DLGAP1: variants seen among roughly 807,000 people sequenced by gnomAD.
DLGAP1 encodes DLG associated protein 1.
A neutral mutation model predicts 90.8 loss-of-function variants in DLGAP1; 11 were observed. That is an observed-to-expected ratio of 0.12 (90% CI 0.08 to 0.20). DLGAP1 has a LOEUF of 0.20. Among genes scored for constraint, DLGAP1 ranks in the 10% least tolerant of loss-of-function variants. The pLI is 1.00. For missense variants in DLGAP1, 1,050 were observed against 1,333.8 expected, an observed-to-expected ratio of 0.79 and a Z score of 3.31; for synonymous variants, 558 against 540.7, an observed-to-expected ratio of 1.03 and a Z score of -0.44.
At chr18:3,570,664 C>T (rs1034010934) in intron 8 of DLGAP1, among the ~76,000 whole-genome samples, 2 of 151,806 alleles carry the variant, frequency 1.3e-5, no homozygotes, top group African/African-American at 4.8e-5. Context: ...TGAGGTGGCT[C>T]ATGCCTGTAG....
intron 10 of DLGAP1, among the ~76,000 whole-genome samples, chr18:3,510,621 G>C (rs2050487050): frequency 6.6e-6 from 1 of 152,160 alleles, no homozygotes; most frequent in Non-Finnish European, 1.5e-5. Context: ...CTTGCTGAAG[G>C]GTAGGACTGT....
chr18:4,351,867 T>A (rs988510840), intron 1 of DLGAP1, among the ~76,000 whole-genome samples: 1 of 152,230 alleles, frequency 6.6e-6, no homozygotes, highest in African/African-American at 2.4e-5. Context: ...AAGAAGATTG[T>A]TTAGGTATAT....
At chr18:3,661,555 G>T (rs1400791892) in intron 7 of DLGAP1, among the ~76,000 whole-genome samples, 1 of 148,080 alleles carries the variant, frequency 6.8e-6, no homozygotes, top group Admixed American at 6.7e-5. Flanking sequence ...TAGGCAGAGG[G>T]AAGAAGCTGT....
intron 7 of DLGAP1, chr18:3,598,494 G>A (rs1460207391): frequency 1.5e-5 from 2 of 134,030 alleles, no homozygotes; most frequent in African/African-American, 5.7e-5. Context: ...TTGAGCCAGA[G>A]TCTGGCTCTG....
chr18:3,991,169 T>C (rs1441834278), intron 3 of DLGAP1, among the ~76,000 whole-genome samples: 1 of 151,966 alleles, frequency 6.6e-6, no homozygotes, highest in Non-Finnish European at 1.5e-5. Context: ...AAGTAAATAT[T>C]AATATAAAAA....
intron 10 of DLGAP1, among the ~76,000 whole-genome samples, chr18:3,527,504 G>A (rs1264655247): frequency 7.3e-6 from 1 of 137,424 alleles, no homozygotes; most frequent in Non-Finnish European, 1.5e-5. Flanking sequence ...ATATGAACAT[G>A]AACATGGTTG....
chr18:3,576,329 G>A (rs2055131750), intron 8 of DLGAP1, among the ~76,000 whole-genome samples: 1 of 150,216 alleles, frequency 6.7e-6, no homozygotes, highest in South Asian at 2.1e-4. Context: ...GCGCGATCTC[G>A]GCTCACTGCA....
chr18:4,437,272 T>C (rs1223516239), intron 1 of DLGAP1, among the ~76,000 whole-genome samples: 1 of 152,208 alleles, frequency 6.6e-6, no homozygotes, highest in East Asian at 1.9e-4. Flanking sequence ...AACACCTGAA[T>C]GCAGGCATGA....
At chr18:4,279,065 C>CTGCAAAGGCAATGGT (rs2079487733) in intron 1 of DLGAP1, among the ~76,000 whole-genome samples, 1 of 152,224 alleles carries the variant, frequency 6.6e-6, no homozygotes. Flanking sequence ...AAGCAGCCTT[C>CTGCAAAGGCAATGGT]TGCAAAGGCA....
chr18:3,985,968 G>A (rs2149039963), intron 3 of DLGAP1, among the ~76,000 whole-genome samples: 1 of 152,292 alleles, frequency 6.6e-6, no homozygotes, highest in East Asian at 1.9e-4. Flanking sequence ...TAAACTCCAT[G>A]ATGTAGCGGA....
At chr18:3,771,994 C>T (rs927188174) in intron 5 of DLGAP1, among the ~76,000 whole-genome samples, 2 of 152,276 alleles carry the variant, frequency 1.3e-5, no homozygotes, top group South Asian at 2.1e-4. Context: ...GGAACAGAAG[C>T]GCAAATTTAA....
chr18:4,118,183 A>T (rs1052727937), intron 2 of DLGAP1, among the ~76,000 whole-genome samples: 7 of 152,112 alleles, frequency 4.6e-5, no homozygotes, highest in African/African-American at 1.2e-4. Flanking sequence ...GTCCTTAAGC[A>T]TGGAATTCTC....
At chr18:4,137,589 C>G (rs1375404395) in intron 2 of DLGAP1, among the ~76,000 whole-genome samples, 1 of 151,952 alleles carries the variant, frequency 6.6e-6, no homozygotes, top group Non-Finnish European at 1.5e-5. Flanking sequence ...TCTTTTTGCT[C>G]AAGACAGCTT....
chr18:4,114,620 T>C (rs962237354), intron 2 of DLGAP1, among the ~76,000 whole-genome samples: 1 of 152,126 alleles, frequency 6.6e-6, no homozygotes, highest in Non-Finnish European at 1.5e-5. Flanking sequence ...CGTGTCTGGT[T>C]GCTCTGGGTA....
intron 1 of DLGAP1, among the ~76,000 whole-genome samples, chr18:4,300,252 T>C (rs2080090498): frequency 6.6e-6 from 1 of 152,202 alleles, no homozygotes. Context: ...ATACATATTT[T>C]GTCTTATTTT....
intron 1 of DLGAP1, among the ~76,000 whole-genome samples, chr18:4,417,180 T>C (rs1257340486): frequency 1.3e-5 from 2 of 152,142 alleles, no homozygotes; most frequent in Non-Finnish European, 2.9e-5. Context: ...GACTGTGACA[T>C]GGCAACCCAC....
chr18:4,037,285 G>A (rs569604703), intron 2 of DLGAP1, among the ~76,000 whole-genome samples: 36 of 152,294 alleles, frequency 2.4e-4, no homozygotes, highest in African/African-American at 5.3e-4. Context: ...AATATGGATA[G>A]ATGGATATGG....
intron 1 of DLGAP1, among the ~76,000 whole-genome samples, chr18:4,229,482 T>C (rs2078256884): frequency 6.6e-6 from 1 of 151,952 alleles, no homozygotes; most frequent in Non-Finnish European, 1.5e-5. Flanking sequence ...AACAGACACA[T>C]AGACCAATGG....
At chr18:4,152,494 TG>T (rs2076691545) in intron 1 of DLGAP1, among the ~76,000 whole-genome samples, 1 of 152,184 alleles carries the variant, frequency 6.6e-6, no homozygotes, top group Non-Finnish European at 1.5e-5. Context: ...ATGCTCTGTC[TG>T]GAAGTTCAGT....
Sources: allele counts gnomAD v4.1 joint callset (sites outside exome capture counted in the v4.1 genomes callset), GRCh38; gene constraint gnomAD v4.1.1; transcripts MANE v1.5; gene names NCBI Gene and HGNC (gene_info 2026-07-23, HGNC 2026-07-21).